Variants in PHF21A observed in about 807,000 individuals in gnomAD.
PHF21A encodes the protein PHD finger protein 21A, also known as BHC80a.
A neutral mutation model predicts 82.5 loss-of-function variants in PHF21A; 11 were observed. That is an observed-to-expected ratio of 0.13 (90% CI 0.08 to 0.22). The LOEUF is 0.22. PHF21A is among the 10% of genes least tolerant of loss of function. The probability of loss-of-function intolerance (pLI) is 1.00; values close to 1 mark genes in which losing one functional copy is unlikely to be tolerated. For synonymous variants in PHF21A, 297 were observed against 302.8 expected, an observed-to-expected ratio of 0.98 and a Z score of 0.20; for missense variants, 579 against 837.8, an observed-to-expected ratio of 0.69 and a Z score of 3.81.
intron 12 of PHF21A, 129 bp downstream of exon 12, chr11:45,950,077 G>A: frequency 2.9e-6 from 2 of 679,474 alleles, no homozygotes; most frequent in South Asian, 2.3e-5. Flanking sequence ...AGGAAATAAA[G>A]TCCACATTGG....
Position 45,936,496 on chromosome 11 carries a change from G to T in PHF21A, c.1682C>A (p.Ala561Glu). ...AGTGGGTATGGATAACTCCTTACCT[G>T]CTTTGTAGGCAATATAGGAATGAAC... Reference protein sequence around the residue: ...AIVHSYIAYKAAKEEEKQKLL... With the variant: ...AIVHSYIAYKEAKEEEKQKLL... The change falls in exon 17 of 19, where the codon GCA becomes GAA. Residue 561 changes from alanine (A) to glutamate (E), a missense_variant and splice_region_variant. By Grantham distance (107) the Ala-to-Glu change is moderately radical. Around this residue, in one of 3 missense-constraint regions of PHF21A, gnomAD observed 157 missense variants for 149.4 expected, o/e 1.05. Coordinates refer to ENST00000676320, the MANE Select transcript of PHF21A (RefSeq NM_001352027.3). 1 of 1,604,006 alleles carries T rather than the reference G, an allele frequency of 6.2e-7. No homozygotes were observed. Among genetic ancestry groups the T allele is most frequent in the Non-Finnish European group, 8.5e-7 (1 of 1,171,212 alleles).
chr11:45,952,219 G>A (rs1565222482), intron 11 of PHF21A, among the ~76,000 whole-genome samples: 1 of 152,182 alleles, frequency 6.6e-6, no homozygotes, highest in Non-Finnish European at 1.5e-5. Context: ...CCAACTAGAA[G>A]GTGAACTATA....
intron 6 of PHF21A, among the ~76,000 whole-genome samples, chr11:46,056,519 T>C (rs1331831353): frequency 6.6e-6 from 1 of 152,080 alleles, no homozygotes; most frequent in African/African-American, 2.4e-5. Context: ...AAAAAATAGG[T>C]CCTTGTAAAC....
At chr11:45,964,234 A>AATAATAATAATAATAATT (rs1220245465) in intron 10 of PHF21A, among the ~76,000 whole-genome samples, 2 of 148,136 alleles carry the variant, frequency 1.4e-5, no homozygotes, top group Non-Finnish European at 3.0e-5. Flanking sequence ...TAATAATAAT[A>AATAATAATAATAATAATT]ATTTATTTCT....
At chr11:45,945,325 T>A (rs573411441) in intron 15 of PHF21A, among the ~76,000 whole-genome samples, 1 of 152,330 alleles carries the variant, frequency 6.6e-6, no homozygotes, top group South Asian at 2.1e-4. Context: ...TACTAAGTAT[T>A]TGACAGTTTT....
intron 6 of PHF21A, among the ~76,000 whole-genome samples, chr11:45,987,534 G>A (rs1256906478): frequency 4.0e-5 from 6 of 151,168 alleles, no homozygotes; most frequent in Admixed American, 6.6e-5. Context: ...AGTGGTGGGC[G>A]CCTGTAATCC....
At position 46,062,066 on chromosome 11, in the gene PHF21A, C is replaced by A. The variant is rs553113727; in HGVS notation, c.153+14688G>T. On this transcript the variant is annotated intron_variant, in intron 6 of 18. Transcript: ENST00000676320. ...AGTCTGATGACATCTGATTCCCAAT[C>A]CCTGTTTGCAACTGTTTTTTGTTTT... 1.4e-4 allele frequency among the ~76,000 whole-genome samples: 21 copies of A among 152,132 alleles called. 1 individual carries two copies. Among genetic ancestry groups the A allele is most frequent in the African/African-American group, 5.1e-4 (21 of 41,498 alleles).
chr11:46,000,405 C>T (rs975734128), intron 6 of PHF21A, among the ~76,000 whole-genome samples: 1 of 152,320 alleles, frequency 6.6e-6, no homozygotes, highest in Non-Finnish European at 1.5e-5. Context: ...TCTGAATTCA[C>T]TGCTGAAAAT....
chr11:46,073,591 T>C (rs1467381088), intron 6 of PHF21A, among the ~76,000 whole-genome samples: 3 of 152,224 alleles, frequency 2.0e-5, no homozygotes, highest in Admixed American at 1.3e-4. Context: ...TCCAATATTT[T>C]ATACTGACAC....
At position 46,043,798 on chromosome 11, in the gene PHF21A, T is replaced by C. The variant is rs182786102; in HGVS notation, c.153+32956A>G. On this transcript the variant is annotated intron_variant, in intron 6 of 18. Transcript: ENST00000676320. ...AGGACCCCGCTGTCATATACCCACATTGAAATGAATGCTCACTTTGGACTC... is the reference window on the plus strand; with the variant it reads ...AGGACCCCGCTGTCATATACCCACACTGAAATGAATGCTCACTTTGGACTC... Among the ~76,000 whole-genome samples, 43 of 152,286 alleles carry C rather than the reference T, an allele frequency of 2.8e-4. 1 individual carries two copies. The Middle Eastern group carries it at 0.014, about 48-fold the overall frequency.
chr11:46,035,892 T>A (rs564371975), intron 6 of PHF21A, among the ~76,000 whole-genome samples: 2 of 152,346 alleles, frequency 1.3e-5, no homozygotes, highest in South Asian at 4.1e-4. Flanking sequence ...GATTTTGGAC[T>A]TGGTCCTAAG....
intron 7 of PHF21A, among the ~76,000 whole-genome samples, chr11:45,977,403 T>C (rs1314444548): frequency 1.3e-5 from 2 of 152,116 alleles, no homozygotes; most frequent in African/African-American, 2.4e-5. Flanking sequence ...TCCCAAAGTG[T>C]TGGGATTACA....
chr11:45,934,645 A>G (rs1000715945), intron 18 of PHF21A: 18 of 252,776 alleles, frequency 7.1e-5, no homozygotes, highest in Non-Finnish European at 3.1e-5. Context: ...TCAGGACTGG[A>G]CTGAGCTCTC....
chr11:46,004,828 T>A (rs2095253409), intron 6 of PHF21A, among the ~76,000 whole-genome samples: 1 of 152,122 alleles, frequency 6.6e-6, no homozygotes. Context: ...ATACCATCTC[T>A]CCCTCTCTCC....
intron 10 of PHF21A, among the ~76,000 whole-genome samples, chr11:45,965,030 G>A (rs1347141368): frequency 6.6e-6 from 1 of 152,168 alleles, no homozygotes; most frequent in Non-Finnish European, 1.5e-5. Flanking sequence ...CTGACGGAGG[G>A]CAGCAGAGCC....
intron 6 of PHF21A, among the ~76,000 whole-genome samples, chr11:46,048,777 A>T (rs1031190168): frequency 1.3e-5 from 2 of 152,134 alleles, no homozygotes; most frequent in East Asian, 1.9e-4. Context: ...CTCAAAAAAA[A>T]AATAATTTTT....
At chr11:46,060,382 C>T (rs2096519764) in intron 6 of PHF21A, among the ~76,000 whole-genome samples, 2 of 152,234 alleles carry the variant, frequency 1.3e-5, no homozygotes, top group South Asian at 4.1e-4. Flanking sequence ...TTCTAGTCTC[C>T]TCCTACAGCT....
intron 6 of PHF21A, among the ~76,000 whole-genome samples, chr11:46,059,206 G>A (rs541110134): frequency 1.9e-4 from 29 of 152,122 alleles, no homozygotes; most frequent in African/African-American, 6.7e-4. Context: ...GCAGAGCTAG[G>A]CATACAACAG....
chr11:46,004,849 A>G (rs1038393619), intron 6 of PHF21A, among the ~76,000 whole-genome samples: 27 of 152,274 alleles, frequency 1.8e-4, no homozygotes, highest in Non-Finnish European at 1.0e-4. Flanking sequence ...CATTCACTAC[A>G]CACATACTTA....
Sources: allele counts gnomAD v4.1 joint callset (sites outside exome capture counted in the v4.1 genomes callset), GRCh38; gene constraint gnomAD v4.1.1; regional missense constraint gnomAD v4.1.1; transcripts MANE v1.5; gene names NCBI Gene and HGNC (gene_info 2026-07-23, HGNC 2026-07-21).